Variants in LRP1B observed in about 807,000 individuals in gnomAD.
LRP1B encodes the protein low-density lipoprotein receptor-related protein 1B.
In LRP1B, 217 loss-of-function variants were observed where a neutral mutation model predicts 556.6. The observed-to-expected ratio is 0.39, with a 90% CI of 0.35 to 0.44. The LOEUF is 0.44. LRP1B is among the 20% of genes least tolerant of loss of function. The pLI is 1.00. For synonymous variants in LRP1B, 2,047 were observed against 1,865.8 expected (o/e 1.10, Z -2.50); for missense variants, 5,053 against 5,620.8 (o/e 0.90, Z 3.23).
chr2:141,826,357 T>A (rs947401970), intron 1 of LRP1B, among the ~76,000 whole-genome samples: 4,433 of 90,312 alleles, frequency 0.049, 183 homozygotes, highest in African/African-American at 0.15. Context: ...TTCAGAAGTT[T>A]TTTTTTTTTT....
chr2:141,329,305 T>C (rs1362464114), intron 3 of LRP1B, among the ~76,000 whole-genome samples: 1 of 142,628 alleles, frequency 7.0e-6, no homozygotes, highest in Non-Finnish European at 1.5e-5. Context: ...GAAGAATCAC[T>C]GAAAACCGGG....
chr2:140,499,584 T>C (rs1689093391), intron 55 of LRP1B, among the ~76,000 whole-genome samples: 1 of 151,884 alleles, frequency 6.6e-6, no homozygotes, highest in Non-Finnish European at 1.5e-5. Flanking sequence ...ATCATGCACC[T>C]AGGTTATATG....
rs200853556 is a variant in LRP1B at position 140,859,573 on chromosome 2, AT to A, written c.4580-7791del. Among the ~76,000 whole-genome samples the A allele has an allele frequency of 5.3e-4, 81 of 152,060 alleles. 2 individuals are homozygous for A. Among genetic ancestry groups the A allele is most frequent in the African/African-American group, 1.7e-3 (70 of 41,428 alleles). ...CAATTTTCCTATAATGGACAGTGGG[AT>A]TTTAAAAAAAATGATTTTAAAAGTT... On this transcript the variant is annotated intron_variant, in intron 27 of 90. Transcript: ENST00000389484.
At chr2:141,631,543 A>G (rs1165619996) in intron 2 of LRP1B, among the ~76,000 whole-genome samples, 2 of 151,216 alleles carry the variant, frequency 1.3e-5, no homozygotes, top group East Asian at 3.9e-4. Flanking sequence ...TTTTCCAAAA[A>G]AAAAAAAAAA....
chr2:142,071,774 C>A (rs1182831819), intron 1 of LRP1B, among the ~76,000 whole-genome samples: 1 of 151,958 alleles, frequency 6.6e-6, no homozygotes, highest in Non-Finnish European at 1.5e-5. Flanking sequence ...CAGAGAATAA[C>A]CACTTCCACC....
chr2:141,210,441 C>CT (rs1422421039), intron 6 of LRP1B, among the ~76,000 whole-genome samples: 3 of 152,102 alleles, frequency 2.0e-5, no homozygotes, highest in African/African-American at 7.2e-5. Flanking sequence ...TCTTTACTTC[C>CT]TTCTTTCTTC....
chr2:140,725,471 C>G (rs1419719174), intron 35 of LRP1B, among the ~76,000 whole-genome samples: 1 of 142,800 alleles, frequency 7.0e-6, no homozygotes, highest in Non-Finnish European at 1.5e-5. Flanking sequence ...AAACTCCAAA[C>G]TGAAAATTAG....
At chr2:140,827,982 G>GAAA (rs57219641) in intron 31 of LRP1B, among the ~76,000 whole-genome samples, 135 of 151,788 alleles carry the variant, frequency 8.9e-4, no homozygotes, top group Non-Finnish European at 8.8e-5. Context: ...ATTACTGAAA[G>GAAA]AAAAAAGCTG....
At chr2:140,603,467 G>T (rs1424271787) in intron 41 of LRP1B, among the ~76,000 whole-genome samples, 1 of 151,978 alleles carries the variant, frequency 6.6e-6, no homozygotes, top group Non-Finnish European at 1.5e-5. Context: ...GCCTTTCATC[G>T]TTCACAAATA....
At chr2:141,489,487 A>G (rs904021420) in intron 2 of LRP1B, among the ~76,000 whole-genome samples, 1 of 151,964 alleles carries the variant, frequency 6.6e-6, no homozygotes, top group Non-Finnish European at 1.5e-5. Flanking sequence ...TAGACCACTT[A>G]CAAGACTATC....
intron 2 of LRP1B, among the ~76,000 whole-genome samples, chr2:141,565,652 T>A (rs1056268097): frequency 2.0e-5 from 3 of 152,204 alleles, no homozygotes; most frequent in African/African-American, 7.2e-5. Context: ...TTCCTAACAT[T>A]CCTGCACTAT....
At chr2:141,738,183 T>C (rs1237916460) in intron 2 of LRP1B, among the ~76,000 whole-genome samples, 1 of 152,134 alleles carries the variant, frequency 6.6e-6, no homozygotes, top group Admixed American at 6.6e-5. Flanking sequence ...TATTAGCCCA[T>C]ATATTTAATA....
At chr2:141,010,736 G>A (rs534962092) in intron 14 of LRP1B, among the ~76,000 whole-genome samples, 262 of 151,754 alleles carry the variant, frequency 1.7e-3, no homozygotes, top group African/African-American at 6.3e-3. Flanking sequence ...GGCTGGTCTC[G>A]AACTCCTGAC....
At chr2:140,477,921 A>G (rs182435871) in intron 59 of LRP1B, among the ~76,000 whole-genome samples, 64 of 152,176 alleles carry the variant, frequency 4.2e-4, no homozygotes, top group African/African-American at 1.5e-3. Context: ...AGAGTTTTTC[A>G]TTACAGTCTC....
At chr2:140,391,860 CAG>C (rs1223047857) in intron 66 of LRP1B, among the ~76,000 whole-genome samples, 1 of 152,036 alleles carries the variant, frequency 6.6e-6, no homozygotes, top group Non-Finnish European at 1.5e-5. Flanking sequence ...TAAAATGAAA[CAG>C]AATTATTCTA....
chr2:140,744,144 T>A (rs1320922592), intron 35 of LRP1B, among the ~76,000 whole-genome samples: 3 of 152,048 alleles, frequency 2.0e-5, no homozygotes, highest in Admixed American at 2.0e-4. Flanking sequence ...ATAGATGTAT[T>A]AATTAATTTG....
intron 3 of LRP1B, among the ~76,000 whole-genome samples, chr2:141,327,307 T>C (rs556602651): frequency 3.2e-4 from 49 of 152,276 alleles, no homozygotes; most frequent in African/African-American, 1.1e-3. Flanking sequence ...GAGCCACTAA[T>C]TGCAGTGAGG....
intron 2 of LRP1B, among the ~76,000 whole-genome samples, chr2:141,729,048 T>C (rs561682503): frequency 1.0e-3 from 158 of 152,278 alleles, no homozygotes; most frequent in African/African-American, 3.7e-3. Context: ...CATGTGTTCA[T>C]TCCGCTTATT....
At chr2:141,447,722 G>T (rs985212051) in intron 3 of LRP1B, among the ~76,000 whole-genome samples, 2 of 152,158 alleles carry the variant, frequency 1.3e-5, no homozygotes, top group Non-Finnish European at 2.9e-5. Flanking sequence ...GACCCTGTTT[G>T]CCTGGTTATC....
Sources: allele counts gnomAD v4.1 joint callset (sites outside exome capture counted in the v4.1 genomes callset), GRCh38; gene constraint gnomAD v4.1.1; transcripts MANE v1.5; gene names NCBI Gene and HGNC (gene_info 2026-07-23, HGNC 2026-07-21).